RALY: variants seen among roughly 807,000 people sequenced by gnomAD.
RALY encodes the protein RNA-binding protein Raly.
RALY carries 15 observed loss-of-function variants against 30.7 expected under a neutral mutation model. That is an observed-to-expected ratio of 0.49 (90% CI 0.33 to 0.75). RALY has a LOEUF of 0.75. RALY is among the 30% of genes least tolerant of loss of function. The pLI is 0.02. For missense variants in RALY, 339 were observed against 414.3 expected, an observed-to-expected ratio of 0.82 and a Z score of 1.58; for synonymous variants, 177 against 170.8, an observed-to-expected ratio of 1.04 and a Z score of -0.28.
intron 1 of RALY, among the ~76,000 whole-genome samples, chr20:34,021,561 A>G (rs147955216): frequency 4.9e-4 from 74 of 152,308 alleles, no homozygotes; most frequent in African/African-American, 1.7e-3. Context: ...GCCCTCATGC[A>G]CTAATGTTGC....
chr20:34,051,428 C>T (rs533555912), intron 2 of RALY, among the ~76,000 whole-genome samples: 10 of 152,102 alleles, frequency 6.6e-5, no homozygotes, highest in East Asian at 1.9e-4. Context: ...CTCTGTAATA[C>T]GAGGATAACA....
chr20:34,074,015 AGACT>A (rs2033804721), intron 5 of RALY, 149 bp downstream of exon 5: 2 of 803,794 alleles, frequency 2.5e-6, no homozygotes, highest in Admixed American at 4.8e-5. Flanking sequence ...AGCAGAGCTG[AGACT>A]GGGGTCCTGT....
Position 34,083,318 on chromosome 20 carries a change from G to A in RALY, c.*3413G>A, listed in dbSNP as rs1482949891. The A allele has an allele frequency of 6.6e-6, 1 of 152,230 alleles. No individual in the cohort carries two copies. The highest frequency in any genetic ancestry group is 2.4e-5 in the African/African-American group (1 of 41,442). The allele number at this position is 152,230 out of a possible 1,614,324, so 9.4% of individuals were successfully genotyped here. ...TCAGATGGCCTCGCCCGCCTGTCAG[G>A]TGGTTGGCTGGGCAACTGGGCCACA... On this transcript the variant is annotated 3_prime_UTR_variant, in exon 10 of 10. Coordinates refer to ENST00000246194, the MANE Select transcript of RALY (RefSeq NM_016732.3).
chr20:34,049,507 A>T (rs1162770129), intron 2 of RALY, among the ~76,000 whole-genome samples: 1 of 152,188 alleles, frequency 6.6e-6, no homozygotes, highest in Non-Finnish European at 1.5e-5. Context: ...TGCTGTAAGA[A>T]GTCAGAATTG....
At chr20:34,062,463 C>T (rs1019069330) in intron 2 of RALY, among the ~76,000 whole-genome samples, 3 of 152,242 alleles carry the variant, frequency 2.0e-5, no homozygotes, top group African/African-American at 4.8e-5. Flanking sequence ...CTAGGATAAA[C>T]CACCAGGGAT....
At chr20:34,076,635 G>T in intron 6 of RALY, 67 bp from the exon 7 acceptor site, 1 of 1,346,924 alleles carries the variant, frequency 7.4e-7, no homozygotes, top group South Asian at 1.2e-5. Flanking sequence ...GAACAGGGCT[G>T]AGGTTTTGTG....
At chr20:33,997,124 GT>G (rs1057343256) in intron 1 of RALY, among the ~76,000 whole-genome samples, 2 of 151,694 alleles carry the variant, frequency 1.3e-5, no homozygotes, top group East Asian at 3.9e-4. Flanking sequence ...CTTATACCCT[GT>G]TTTTTTTGGA....
intron 1 of RALY, among the ~76,000 whole-genome samples, chr20:33,999,916 G>A (rs553976130): frequency 1.2e-3 from 178 of 152,202 alleles, no homozygotes; most frequent in African/African-American, 4.2e-3. Context: ...GTCCCTTCTA[G>A]CAATTACATT....
At chr20:34,025,310 T>TC (rs1491093293) in intron 1 of RALY, among the ~76,000 whole-genome samples, 1 of 13,230 alleles carries the variant, frequency 7.6e-5, no homozygotes, top group Non-Finnish European at 1.3e-4. Flanking sequence ...TCTCTCTCTC[T>TC]TTTTTTTTTT....
At chr20:34,047,521 A>G (rs1048284969) in intron 2 of RALY, among the ~76,000 whole-genome samples, 2 of 152,178 alleles carry the variant, frequency 1.3e-5, no homozygotes, top group East Asian at 1.9e-4. Context: ...TAATGTGTCT[A>G]TGGCTGACCA....
chr20:34,045,365 A>G (rs1383959206), intron 2 of RALY, among the ~76,000 whole-genome samples: 2 of 152,252 alleles, frequency 1.3e-5, no homozygotes, highest in African/African-American at 4.8e-5. Context: ...ACCAGCTGAG[A>G]GAAGGGCAGG....
chr20:34,004,495 T>C (rs1416075498), intron 1 of RALY, among the ~76,000 whole-genome samples: 1 of 152,140 alleles, frequency 6.6e-6, no homozygotes, highest in Non-Finnish European at 1.5e-5. Context: ...GGGAACAACT[T>C]GAGTAGAGGC....
intron 1 of RALY, among the ~76,000 whole-genome samples, chr20:34,006,904 C>T (rs562710198): frequency 7.2e-4 from 110 of 152,158 alleles, no homozygotes; most frequent in Middle Eastern, 3.4e-3. Context: ...GTGTAGTTAT[C>T]CCCCCCATTA....
chr20:34,071,120 C>T (rs2033714131), intron 2 of RALY, among the ~76,000 whole-genome samples: 1 of 152,094 alleles, frequency 6.6e-6, no homozygotes, highest in South Asian at 2.1e-4. Flanking sequence ...ATGATCCAGT[C>T]ACCTCCCACC....
chr20:33,996,123 G>A (rs1465560250), intron 1 of RALY, among the ~76,000 whole-genome samples: 1 of 152,200 alleles, frequency 6.6e-6, no homozygotes, highest in Non-Finnish European at 1.5e-5. Flanking sequence ...TTTCTGTGAG[G>A]TAGTTTGCAG....
chr20:34,016,292 G>A (rs762069355), intron 1 of RALY, among the ~76,000 whole-genome samples: 1 of 152,226 alleles, frequency 6.6e-6, no homozygotes, highest in Non-Finnish European at 1.5e-5. Flanking sequence ...CTGTTAGGAA[G>A]TTGGAACCAT....
At chr20:34,044,204 A>G (rs1234532059) in intron 2 of RALY, among the ~76,000 whole-genome samples, 2 of 152,194 alleles carry the variant, frequency 1.3e-5, no homozygotes, top group Admixed American at 6.5e-5. Context: ...GAAGGACATA[A>G]TATTGGAGGC....
chr20:34,048,100 C>T (rs747735652), intron 2 of RALY, among the ~76,000 whole-genome samples: 5 of 152,218 alleles, frequency 3.3e-5, no homozygotes, highest in Non-Finnish European at 5.9e-5. Flanking sequence ...CAAAAGGCTT[C>T]TTCTCTCTGT....
intron 3 of RALY, 106 bp from the exon 4 acceptor site, chr20:34,073,457 G>A (rs1336165145): frequency 2.3e-5 from 24 of 1,042,078 alleles, no homozygotes; most frequent in South Asian, 1.6e-4. Context: ...CAGAATCCAT[G>A]TGTATACCGT....
Sources: allele counts gnomAD v4.1 joint callset (sites outside exome capture counted in the v4.1 genomes callset), GRCh38; gene constraint gnomAD v4.1.1; transcripts MANE v1.5; gene names NCBI Gene and HGNC (gene_info 2026-07-23, HGNC 2026-07-21).